SLC10A2: variants seen among roughly 807,000 people sequenced by gnomAD.
SLC10A2 encodes the protein solute carrier family 10 member 2.
SLC10A2 carries 34 observed loss-of-function variants against 27.1 expected under a neutral mutation model. The ratio of observed to expected loss-of-function variants is 1.26; its 90% CI spans 0.96 to 1.67. The LOEUF is 1.67. SLC10A2 is among the 40% of genes most tolerant of loss of function. The pLI, the probability that SLC10A2 is intolerant of heterozygous loss-of-function variation, is 0.00. For missense variants in SLC10A2, 530 were observed against 444.4 expected, an observed-to-expected ratio of 1.19 and a Z score of -1.73; for synonymous variants, 205 against 174.0, an observed-to-expected ratio of 1.18 and a Z score of -1.40.
chr13:103,058,115 C>G, intron 2 of SLC10A2, 149 bp downstream of exon 2: 1 of 740,642 alleles, frequency 1.4e-6, no homozygotes, highest in Non-Finnish European at 2.5e-6. Context: ...CATCACTCTC[C>G]AAACGCAGGG....
In SLC10A2 at chr13:103,046,191, G is replaced by A. The variant is rs758960672; in HGVS notation, c.989C>T (p.Thr330Met). 5.6e-6 allele frequency: 9 copies of A among 1,613,688 alleles called. No individual in the cohort carries two copies. The highest frequency in any genetic ancestry group is 2.2e-5 in the East Asian group (1 of 44,848). Residue 330 changes from threonine to methionine, a missense_variant, in exon 6 of 6, where the codon ACG (threonine) becomes ATG (methionine). Physicochemically the swap from Thr to Met is moderately conservative, Grantham distance 81 (BLOSUM62 -1). Transcript: ENST00000245312. ...AEIPESKENG[T>M]EPESSFYKAN... ...CTTATAAAACGATGACTCTGGCTCC[G>A]TTCCATTTTCTTTGCTCTCTGGAAT...
chr13:103,059,524 G>A lies in SLC10A2; in HGVS notation c.378-1142C>T, dbSNP rs1328906173. ...TGTGCCTGAGTGTATTCAGGGCCTG[G>A]CCTTGAGCAAAATGGGCCATATTTG... On this transcript the variant is annotated intron_variant, in intron 1 of 5. Transcript: ENST00000245312. Among the ~76,000 whole-genome samples, 8 of 152,182 alleles carry A rather than the reference G, an allele frequency of 5.3e-5. No individual in the cohort carries two copies. In the East Asian group the frequency reaches 1.5e-3, roughly 29 times the overall value.
At chr13:103,061,839 C>G (rs1423322719) in intron 1 of SLC10A2, among the ~76,000 whole-genome samples, 11 of 152,038 alleles carry the variant, frequency 7.2e-5, no homozygotes. Context: ...AAACAATTCA[C>G]AGATAACGAA....
intron 5 of SLC10A2, among the ~76,000 whole-genome samples, chr13:103,048,583 A>T (rs1285047428): frequency 4.0e-5 from 6 of 151,502 alleles, no homozygotes; most frequent in East Asian, 1.9e-4. Context: ...CTTTTTTATT[A>T]AAAAAAATAG....
intron 1 of SLC10A2, among the ~76,000 whole-genome samples, chr13:103,064,149 T>C (rs1324881104): frequency 6.6e-6 from 1 of 152,224 alleles, no homozygotes; most frequent in Non-Finnish European, 1.5e-5. Flanking sequence ...GGTTGCTCCA[T>C]GTTGCGTTAC....
chr13:103,046,151 A>G lies in SLC10A2; in HGVS notation c.1029T>C (p.Phe343=). 6.2e-7 allele frequency: 1 copy of G among 1,613,928 alleles called. No homozygotes were observed. Among genetic ancestry groups the G allele is most frequent in the Non-Finnish European group, 8.5e-7 (1 of 1,179,852 alleles). The change falls in exon 6 of 6, where the codon TTT becomes TTC. Residue 343 remains phenylalanine, a synonymous_variant. Transcript: ENST00000245312. ...ESSFYKANGG[F]QPDEK ...TTGATGTCTACTTTTCGTCAGGTTG[A>G]AATCCTCCATTTGCCTTATAAAACG... is the stretch of plus-strand genomic sequence containing the variant.
intron 4 of SLC10A2, among the ~76,000 whole-genome samples, chr13:103,050,901 T>C (rs1359833063): frequency 6.6e-6 from 1 of 152,122 alleles, no homozygotes; most frequent in African/African-American, 2.4e-5. Flanking sequence ...AACAGGGTCA[T>C]TGCAGATATA....
Position 103,049,457 on chromosome 13 carries a change from T to C in SLC10A2, c.762-11A>G, listed in dbSNP as rs761076782. 1 of 1,613,548 alleles carries C rather than the reference T, an allele frequency of 6.2e-7. No homozygotes were observed. Among genetic ancestry groups the C allele is most frequent in the Non-Finnish European group, 8.5e-7 (1 of 1,179,744 alleles). ...GCAACCGTTCGGCACCTAAAGAAGA[T>C]GTTAAGAGAGCACATGTTTTAGTAG... On this transcript the variant is annotated splice_polypyrimidine_tract_variant and intron_variant, in intron 4 of 5. Coordinates refer to ENST00000245312, the MANE Select transcript of SLC10A2 (RefSeq NM_000452.3).
Position 103,049,279 on chromosome 13 carries a change from G to T in SLC10A2, c.919+10C>A. 6.2e-7 allele frequency: 1 copy of T among 1,613,166 alleles called. No homozygotes were observed. The highest frequency in any genetic ancestry group is 1.1e-5 in the South Asian group (1 of 91,006). On this transcript the variant is annotated intron_variant, in intron 5 of 5. Coordinates refer to ENST00000245312, the MANE Select transcript of SLC10A2 (RefSeq NM_000452.3). Reference sequence around the variant, plus strand: ...GATTATCATGAAATGGGATTGGCATGATTCCTTACATCCTAAGAATATTGC... The same window carrying T: ...GATTATCATGAAATGGGATTGGCATTATTCCTTACATCCTAAGAATATTGC...
At chr13:103,052,334 A>G (rs1875806422) in intron 3 of SLC10A2, among the ~76,000 whole-genome samples, 1 of 152,056 alleles carries the variant, frequency 6.6e-6, no homozygotes, top group South Asian at 2.1e-4. Context: ...AAAGAAGGGC[A>G]TGCTAGGCTG....
chr13:103,053,006 T>G (rs1875832283), intron 2 of SLC10A2, among the ~76,000 whole-genome samples: 1 of 151,492 alleles, frequency 6.6e-6, no homozygotes, highest in Admixed American at 6.6e-5. Context: ...CCAGCATACA[T>G]TAGTTTTAAT....
chr13:103,058,899 A>C (rs986460057), intron 1 of SLC10A2, among the ~76,000 whole-genome samples: 2 of 152,214 alleles, frequency 1.3e-5, no homozygotes, highest in African/African-American at 4.8e-5. Context: ...TGCCATTGTA[A>C]ATAGTGCTGC....
At chr13:103,052,752 A>G (rs768785977) in intron 2 of SLC10A2, 44 bp from the exon 3 acceptor site, 3 of 1,208,486 alleles carry the variant, frequency 2.5e-6, no homozygotes, top group Non-Finnish European at 3.7e-6. Context: ...AACAGGTGAC[A>G]CAGGAAAGAG....
Position 103,065,912 on chromosome 13 carries a change from T to C in SLC10A2, c.338A>G (p.Asn113Ser). The change falls in exon 1 of 6, where the codon AAT (asparagine) becomes AGT (serine). Residue 113 changes from asparagine (N) to serine (S), a missense_variant. Physicochemically the swap from Asn to Ser is conservative, Grantham distance 46. Coordinates refer to ENST00000245312, the MANE Select transcript of SLC10A2 (RefSeq NM_000452.3). ...GCCATCGACCCAATAGGCCAAGATA[T>C]TGGAGGCAGTTCCTCCAGGGCAGCA... is the stretch of plus-strand genomic sequence containing the variant. ...IGCCPGGTAS[N>S]ILAYWVDGDM... 6.2e-6 allele frequency: 10 copies of C among 1,614,170 alleles called. No homozygotes were observed. The highest frequency in any genetic ancestry group is 8.5e-6 in the Non-Finnish European group (10 of 1,180,024).
At chr13:103,060,104 G>A (rs1876065729) in intron 1 of SLC10A2, among the ~76,000 whole-genome samples, 1 of 151,932 alleles carries the variant, frequency 6.6e-6, no homozygotes, top group Non-Finnish European at 1.5e-5. Flanking sequence ...TAGGACAGTG[G>A]GTCAAAGAAA....
rs1455563313 is a variant in SLC10A2, at chr13:103,044,997, G to C, written c.*1136C>G. 1.3e-5 allele frequency: 2 copies of C among 152,048 alleles called. No homozygotes were observed. The highest frequency in any genetic ancestry group is 2.9e-5 in the Non-Finnish European group (2 of 68,028). The allele number at this position is 152,048 out of a possible 1,614,324, so 9.4% of individuals were successfully genotyped here. On this transcript the variant is annotated 3_prime_UTR_variant, in exon 6 of 6. Coordinates refer to ENST00000245312, the MANE Select transcript of SLC10A2 (RefSeq NM_000452.3). ...GCTGGTGGGGCCCTTCTGACTTTTG[G>C]GCCCTGGGACACGTTCTCTGTTTCA...
In SLC10A2 at chr13:103,066,118, C is replaced by T. The variant is rs199553519; in HGVS notation, c.132G>A (p.Leu44=). The change falls in exon 1 of 6, where the codon TTG becomes TTA. Residue 44 remains leucine (L), a synonymous_variant. Coordinates refer to ENST00000245312, the MANE Select transcript of SLC10A2 (RefSeq NM_000452.3). Reference sequence around the variant, plus strand: ...CGTTGCATCCCATGGAGAACATCACCAAGGCCAACAGGATGGTCAGCACCG... The same window carrying T: ...CGTTGCATCCCATGGAGAACATCACTAAGGCCAACAGGATGGTCAGCACCG... ...LSTVLTILLA[L]VMFSMGCNVE... 1.2e-6 allele frequency: 2 copies of T among 1,614,056 alleles called. No homozygotes were observed. The highest frequency in any genetic ancestry group is 2.2e-5 in the South Asian group (2 of 91,084).
intron 2 of SLC10A2, among the ~76,000 whole-genome samples, chr13:103,054,547 G>A (rs938002008): frequency 2.0e-4 from 30 of 152,062 alleles, no homozygotes; most frequent in Admixed American, 2.0e-3. Context: ...TGTTAGTGTG[G>A]TTAGGTTTTG....
At position 103,044,256 on chromosome 13, in the gene SLC10A2, C is replaced by G. The variant is rs1398938608; in HGVS notation, c.*1877G>C. 1 of 152,198 alleles carries G rather than the reference C, an allele frequency of 6.6e-6. No homozygotes were observed. The highest frequency in any genetic ancestry group is 2.4e-5 in the African/African-American group (1 of 41,430). 9.4% of individuals were successfully genotyped at this position (152,198 alleles called of 1,614,324 possible). ...GTCTTGCTCAACAGGGAGGAAAAAC[C>G]TGCTTGCTGCAGCTGCTGGCATCCA... On this transcript the variant is annotated 3_prime_UTR_variant, in exon 6 of 6. Coordinates refer to ENST00000245312, the MANE Select transcript of SLC10A2 (RefSeq NM_000452.3).
Sources: allele counts gnomAD v4.1 joint callset (sites outside exome capture counted in the v4.1 genomes callset), GRCh38; gene constraint gnomAD v4.1.1; transcripts MANE v1.5; gene names NCBI Gene and HGNC (gene_info 2026-07-23, HGNC 2026-07-21).